The following TNIK variants were observed in gnomAD, a reference collection of about 807,000 sequenced individuals.
TNIK encodes the protein TRAF2 and NCK-interacting protein kinase.
TNIK carries 49 observed loss-of-function variants against 191.3 expected under a neutral mutation model. The ratio of observed to expected loss-of-function variants is 0.26; its 90% CI spans 0.20 to 0.32. The LOEUF (loss-of-function observed/expected upper bound fraction) is 0.32, where lower values mean the gene tolerates loss of function less well. Among genes scored for constraint, TNIK ranks in the 10% least tolerant of loss-of-function variants. TNIK has a pLI of 1.00. For missense variants in TNIK, 1,155 were observed against 1,702.3 expected (o/e 0.68, Z 5.66); for synonymous variants, 594 against 600.9 (o/e 0.99, Z 0.17).
chr3:171,106,016 G>A (rs746309747), intron 21 of TNIK, among the ~76,000 whole-genome samples: 7 of 152,078 alleles, frequency 4.6e-5, no homozygotes, highest in East Asian at 1.9e-4. Context: ...GCAAACATGC[G>A]GAGTCTCATT....
intron 1 of TNIK, among the ~76,000 whole-genome samples, chr3:171,394,634 A>G (rs1055475185): frequency 2.6e-5 from 4 of 152,384 alleles, no homozygotes; most frequent in African/African-American, 9.6e-5. Context: ...TCCTCAGTTC[A>G]TAAGACACCT....
At chr3:171,207,820 A>C (rs974801178) in intron 4 of TNIK, among the ~76,000 whole-genome samples, 6 of 152,182 alleles carry the variant, frequency 3.9e-5, no homozygotes, top group African/African-American at 1.4e-4. Flanking sequence ...TCTCAAAAGT[A>C]CCTGTTGCAA....
intron 1 of TNIK, among the ~76,000 whole-genome samples, chr3:171,376,761 TA>T (rs1160696740): frequency 1.3e-5 from 2 of 151,916 alleles, no homozygotes; most frequent in African/African-American, 4.8e-5. Context: ...GATAGATAGA[TA>T]GATAGATAGA....
At position 171,138,293 on chromosome 3, in the gene TNIK, G is replaced by C; in HGVS notation, c.1506C>G (p.Ser502=). ...TCTGCTCCTGCCGCTGATGCTGAAG[G>C]GAAACTAAGTAGTCTCTTTCTTGCT... ...QLKQERDYLV[S]LQHQRQEQRP... is the part of the protein sequence containing the mutation. The change falls in exon 15 of 33, where the codon TCC becomes TCG. Residue 502 remains serine (S), a synonymous_variant. Transcript: ENST00000436636. 1.2e-6 allele frequency: 2 copies of C among 1,613,434 alleles called. No individual in the cohort carries two copies. Among genetic ancestry groups the C allele is most frequent in the Non-Finnish European group, 1.7e-6 (2 of 1,179,716 alleles).
At chr3:171,285,497 G>A (rs1365805554) in intron 2 of TNIK, among the ~76,000 whole-genome samples, 1 of 152,186 alleles carries the variant, frequency 6.6e-6, no homozygotes, top group East Asian at 1.9e-4. Context: ...CAGCTATATT[G>A]TTATGACTAA....
intron 2 of TNIK, among the ~76,000 whole-genome samples, chr3:171,344,244 A>G (rs1007309089): frequency 2.0e-5 from 3 of 152,162 alleles, no homozygotes; most frequent in Non-Finnish European, 4.4e-5. Context: ...TCAGTGGGCA[A>G]TTCTGGTTAC....
intron 1 of TNIK, among the ~76,000 whole-genome samples, chr3:171,375,855 A>G (rs749415566): frequency 2.4e-4 from 37 of 152,144 alleles, no homozygotes; most frequent in Non-Finnish European, 4.6e-4. Flanking sequence ...GCCTACACAG[A>G]CTCTAGACAC....
At chr3:171,376,775 GAT>G (rs1717312061) in intron 1 of TNIK, among the ~76,000 whole-genome samples, 3 of 148,026 alleles carry the variant, frequency 2.0e-5, no homozygotes, top group African/African-American at 8.0e-5. Flanking sequence ...TAGATAGATA[GAT>G]AGATAGATAG....
At chr3:171,153,403 C>T (rs1416055920) in intron 12 of TNIK, among the ~76,000 whole-genome samples, 1 of 152,156 alleles carries the variant, frequency 6.6e-6, no homozygotes, top group Admixed American at 6.5e-5. Context: ...CATAATCCAA[C>T]TGCATGGATT....
chr3:171,258,482 C>T (rs1249527553), intron 2 of TNIK, among the ~76,000 whole-genome samples: 6 of 152,046 alleles, frequency 3.9e-5, no homozygotes, highest in Non-Finnish European at 7.4e-5. Flanking sequence ...CACCTTTTTC[C>T]AATGCCCCAT....
intron 28 of TNIK, among the ~76,000 whole-genome samples, chr3:171,072,523 C>A (rs1003592922): frequency 6.6e-6 from 1 of 151,914 alleles, no homozygotes; most frequent in African/African-American, 2.4e-5. Flanking sequence ...AGAACTGGAA[C>A]AAGACAAGAA....
chr3:171,413,129 C>G (rs980839121), intron 1 of TNIK, among the ~76,000 whole-genome samples: 7 of 152,224 alleles, frequency 4.6e-5, no homozygotes, highest in Non-Finnish European at 8.8e-5. Flanking sequence ...TTATTTTTAA[C>G]TAGAGATACA....
intron 18 of TNIK, among the ~76,000 whole-genome samples, chr3:171,118,582 A>G (rs1727133327): frequency 6.6e-6 from 1 of 152,206 alleles, no homozygotes; most frequent in Non-Finnish European, 1.5e-5. Flanking sequence ...TACTGGTACC[A>G]AAACAGAGAT....
intron 12 of TNIK, among the ~76,000 whole-genome samples, chr3:171,148,522 C>T (rs1731951694): frequency 6.6e-6 from 1 of 152,120 alleles, no homozygotes; most frequent in South Asian, 2.1e-4. Context: ...AGATGAAACC[C>T]CCAAATTCCT....
intron 1 of TNIK, among the ~76,000 whole-genome samples, chr3:171,421,290 T>C (rs1275104417): frequency 6.6e-6 from 1 of 152,156 alleles, no homozygotes; most frequent in African/African-American, 2.4e-5. Flanking sequence ...CACATGCACA[T>C]ACCCCAGAAA....
chr3:171,231,271 C>T (rs1217818866), intron 2 of TNIK, among the ~76,000 whole-genome samples: 1 of 150,288 alleles, frequency 6.7e-6, no homozygotes, highest in African/African-American at 2.5e-5. Context: ...GTATACTTGG[C>T]TTTTGTTGTT....
rs200434745 is a variant in TNIK at position 171,103,192 on chromosome 3, ATGCACATT to A, written c.2407-1567_2407-1560del. Among the ~76,000 whole-genome samples, 1,137 of 152,054 alleles carry A rather than the reference ATGCACATT, an allele frequency of 7.5e-3. 6 individuals are homozygous for A. The highest frequency in any genetic ancestry group is 0.041 in the South Asian group (195 of 4,798). Reference sequence around the variant, plus strand: ...ACACTTGGCTAGGGCTTTTGCACACATGCACATTTGCACATTTGCACATGCCTCAATCT... The same window carrying A: ...ACACTTGGCTAGGGCTTTTGCACACATGCACATTTGCACATGCCTCAATCT... On this transcript the variant is annotated intron_variant, in intron 21 of 32. Coordinates refer to ENST00000436636, the MANE Select transcript of TNIK (RefSeq NM_015028.4).
At chr3:171,348,780 T>C (rs573105162) in intron 2 of TNIK, among the ~76,000 whole-genome samples, 1 of 152,248 alleles carries the variant, frequency 6.6e-6, no homozygotes, top group South Asian at 2.1e-4. Flanking sequence ...GCTATGCTGG[T>C]AAGCCTCAAA....
intron 1 of TNIK, among the ~76,000 whole-genome samples, chr3:171,416,720 C>G (rs942416052): frequency 1.3e-5 from 2 of 152,154 alleles, no homozygotes; most frequent in African/African-American, 4.8e-5. Flanking sequence ...GCTTAGCCTC[C>G]ACAGGGCATC....
Sources: allele counts gnomAD v4.1 joint callset (sites outside exome capture counted in the v4.1 genomes callset), GRCh38; gene constraint gnomAD v4.1.1; transcripts MANE v1.5; gene names NCBI Gene and HGNC (gene_info 2026-07-23, HGNC 2026-07-21).